The following SLC12A5 variants were observed in gnomAD, a reference collection of about 807,000 sequenced individuals.
SLC12A5 encodes K-Cl cotransporter 2.
Under a neutral mutation model 124.0 loss-of-function variants are expected in SLC12A5, and 18 were observed. The ratio of observed to expected loss-of-function variants is 0.15; its 90% CI spans 0.10 to 0.22. SLC12A5 has a LOEUF of 0.22. Ranked by LOEUF, SLC12A5 falls within the 10% of genes least tolerant of loss-of-function variation. The probability of loss-of-function intolerance (pLI) is 1.00; values close to 1 mark genes in which losing one functional copy is unlikely to be tolerated. For missense variants in SLC12A5, 867 were observed against 1,478.7 expected (o/e 0.59, Z 6.78); for synonymous variants, 589 against 568.0 (o/e 1.04, Z -0.53).
chr20:46,029,087 C>CA, upstream of SLC12A5: 1 of 1,317,734 alleles, frequency 7.6e-7, no homozygotes, highest in South Asian at 2.1e-5. Context: ...GCTCTCCCCC[C>CA]AAAACCCCGC....
chr20:46,041,009 G>C, intron 7 of SLC12A5: 1 of 403,512 alleles, frequency 2.5e-6, no homozygotes, highest in South Asian at 2.6e-5. Flanking sequence ...GAAGTCTACA[G>C]GGTCCAGGGA....
At chr20:46,044,335 C>T (rs1330094873) in intron 11 of SLC12A5, among the ~76,000 whole-genome samples, 1 of 152,038 alleles carries the variant, frequency 6.6e-6, no homozygotes, top group Non-Finnish European at 1.5e-5. Flanking sequence ...TGGGTCTATA[C>T]TGGCCAACAG....
chr20:46,036,725 A>G lies in SLC12A5; in HGVS notation c.427-16A>G. The G allele has an allele frequency of 6.2e-7, 1 of 1,613,546 alleles. No homozygotes were observed. Among genetic ancestry groups the G allele is most frequent in the Non-Finnish European group, 8.5e-7 (1 of 1,179,720 alleles). On this transcript the variant is annotated splice_polypyrimidine_tract_variant and intron_variant, in intron 4 of 25. Coordinates refer to ENST00000243964, the MANE Select transcript of SLC12A5 (RefSeq NM_020708.5). ...CCCTACCCCAGCCACCGCTCTGATGATCTCTTTCCTCACAGACGATGCTCA... is the reference window on the plus strand; with the variant it reads ...CCCTACCCCAGCCACCGCTCTGATGGTCTCTTTCCTCACAGACGATGCTCA...
At chr20:46,047,896 C>A in intron 15 of SLC12A5, 85 bp from the exon 16 acceptor site, 1 of 1,292,060 alleles carries the variant, frequency 7.7e-7, no homozygotes, top group Non-Finnish European at 1.1e-6. Context: ...ATGGCTCTGC[C>A]CTGGGGTAGC....
intron 17 of SLC12A5, among the ~76,000 whole-genome samples, chr20:46,051,201 G>A (rs1029408541): frequency 6.6e-6 from 1 of 152,158 alleles, no homozygotes; most frequent in Admixed American, 6.5e-5. Context: ...TTCCCTCATA[G>A]TACAGTTTAA....
At chr20:46,041,599 G>T (rs745405129) in intron 8 of SLC12A5, 59 bp downstream of exon 8, 5 of 1,583,062 alleles carry the variant, frequency 3.2e-6, no homozygotes, top group Non-Finnish European at 4.3e-6. Context: ...TAGGTTAAGC[G>T]GTCAGGATTA....
Position 46,058,900 on chromosome 20 carries a change from G to A in SLC12A5, c.*1295G>A, listed in dbSNP as rs865900243. ...GGGCCGGGCCTCGCTGCTTAGCAGC[G>A]GCCTCTAGCTCCGTCTCCCGGGGAC... On this transcript the variant is annotated 3_prime_UTR_variant, in exon 26 of 26. Coordinates refer to ENST00000243964, the MANE Select transcript of SLC12A5 (RefSeq NM_020708.5). This position sits in a 1 kb window ranked among gnomAD's most constrained non-coding sequence, Gnocchi z 5.8. 16 of 396,734 alleles carry A rather than the reference G, an allele frequency of 4.0e-5. No homozygotes were observed. The highest frequency in any genetic ancestry group is 2.9e-4 in the South Asian group (2 of 7,012). The allele number at this position is 396,734 out of a possible 1,614,324, so 24.6% of individuals were successfully genotyped here. A position where few individuals can be genotyped will look rare whatever the true frequency, so the allele number is the denominator to read the frequency against.
intron 9 of SLC12A5, 139 bp downstream of exon 9, chr20:46,043,462 T>A (rs1262736200): frequency 1.6e-6 from 2 of 1,278,594 alleles, no homozygotes; most frequent in South Asian, 1.4e-5. Context: ...ATTGGAGAGA[T>A]GAGGGAATTA....
At position 46,045,805 on chromosome 20, in the gene SLC12A5, G is replaced by A; in HGVS notation, c.1570-73G>A. On this transcript the variant is annotated intron_variant, in intron 12 of 25. Coordinates refer to ENST00000243964, the MANE Select transcript of SLC12A5 (RefSeq NM_020708.5). The surrounding 1 kb of genome is among the most constrained non-coding windows in gnomAD (Gnocchi z 4.9). The stretch of plus-strand genomic sequence containing the variant: ...ATAGGATTCCTGCCTCTACTCCACT[G>A]GTTCCCGAGGCTAGGGGAGAGGGCT... 1 of 1,240,768 alleles carries A rather than the reference G, an allele frequency of 8.1e-7. No homozygotes were observed. The highest frequency in any genetic ancestry group is 2.3e-5 in the East Asian group (1 of 42,858). The allele number at this position is 1,240,768 out of a possible 1,614,324, so 76.9% of individuals were successfully genotyped here.
At chr20:46,049,510 T>A in intron 16 of SLC12A5, 112 bp from the exon 17 acceptor site, 2 of 1,346,194 alleles carry the variant, frequency 1.5e-6, no homozygotes, top group Non-Finnish European at 2.0e-6. Flanking sequence ...TATAGGTGGA[T>A]GGGACAGATG....
At chr20:46,034,879 C>T in intron 1 of SLC12A5, 69 bp from the exon 2 acceptor site, 1 of 1,420,032 alleles carries the variant, frequency 7.0e-7, no homozygotes, top group Non-Finnish European at 1.0e-6. Context: ...TGTGGCTACA[C>T]CACTGTATGC....
At chr20:46,033,583 C>T (rs1168387847) in intron 1 of SLC12A5, among the ~76,000 whole-genome samples, 3 of 152,160 alleles carry the variant, frequency 2.0e-5, no homozygotes, top group Non-Finnish European at 1.5e-5. Context: ...TATCCTGATT[C>T]GTATATCCAG....
chr20:46,023,197 C>G (rs978951272), intron 2 of SLC12A5: 1 of 397,938 alleles, frequency 2.5e-6, no homozygotes, highest in Non-Finnish European at 4.4e-6. Flanking sequence ...TGGCCCCAGT[C>G]CCGGGAACCG....
intron 1 of SLC12A5, among the ~76,000 whole-genome samples, chr20:46,029,760 C>A (rs1334905836): frequency 1.3e-5 from 2 of 152,108 alleles, no homozygotes; most frequent in African/African-American, 4.8e-5. Context: ...GGGACCCCGG[C>A]GTCCTGGCGC....
intron 18 of SLC12A5, among the ~76,000 whole-genome samples, 178 bp from the exon 19 acceptor site, chr20:46,052,779 C>T (rs557877667): frequency 1.3e-5 from 2 of 152,202 alleles, no homozygotes; most frequent in African/African-American, 4.8e-5. Flanking sequence ...TAGATCTAAA[C>T]AATAAATATA....
In SLC12A5 at chr20:46,043,732, G is replaced by A; in HGVS notation, c.1336+1G>A. ...GCCATCGCCACCACCTCTGCTGTCT[G>A]TATCCTGCACAGCTGTGCTGGGACC... On this transcript the variant is annotated splice_donor_variant, in intron 10 of 25. Coordinates refer to ENST00000243964, the MANE Select transcript of SLC12A5 (RefSeq NM_020708.5). LOFTEE classifies it high-confidence loss of function. The A allele has an allele frequency of 6.2e-7, 1 of 1,614,184 alleles. No individual in the cohort carries two copies. The highest frequency in any genetic ancestry group is 8.5e-7 in the Non-Finnish European group (1 of 1,180,028).
At position 46,053,814 on chromosome 20, in the gene SLC12A5, TC is replaced by T. The variant is rs1268592208; in HGVS notation, c.2679+107del. The T allele has an allele frequency of 3.1e-6, 4 of 1,282,808 alleles. No individual in the cohort carries two copies. The Admixed American group carries it at 1.0e-4, about 33-fold the overall frequency. The allele number at this position is 1,282,808 out of a possible 1,614,324, so 79.5% of individuals were successfully genotyped here. A position where few individuals can be genotyped will look rare whatever the true frequency, so the allele number is the denominator to read the frequency against. On this transcript the variant is annotated intron_variant, in intron 20 of 25. Transcript: ENST00000243964. The surrounding 1 kb of genome is among the most constrained non-coding windows in gnomAD (Gnocchi z 4.7). ...ACACCCATCAGCTTATGATGCTGGA[TC>T]CTTTCCCCCTCATCCATCTCTTAGC...
Position 46,034,939 on chromosome 20 carries a change from C to T in SLC12A5, c.53-9C>T. 1.9e-6 allele frequency: 3 copies of T among 1,613,798 alleles called. No homozygotes were observed. Among genetic ancestry groups the T allele is most frequent in the Non-Finnish European group, 2.5e-6 (3 of 1,179,740 alleles). On this transcript the variant is annotated splice_polypyrimidine_tract_variant and intron_variant, in intron 1 of 25. Transcript: ENST00000243964. ...TGGTTCCAGATCCCTGACCCCTCTC[C>T]CTTCTCAGGTGATGGCAACCCCAAG... is the stretch of plus-strand genomic sequence containing the variant.
intron 13 of SLC12A5, 78 bp from the exon 14 acceptor site, chr20:46,046,260 T>G: frequency 1.5e-6 from 2 of 1,341,398 alleles, no homozygotes; most frequent in South Asian, 2.4e-5. Flanking sequence ...CCTTTCCCCC[T>G]TTCTCTGCCC....
Sources: gnomAD v4.1 joint callset for allele counts (sites outside exome capture counted in the v4.1 genomes callset) on GRCh38, gnomAD v4.1.1 for gene constraint, Gnocchi (gnomAD v3.1) non-coding constraint, MANE v1.5 for transcripts, NCBI Gene and HGNC (gene_info 2026-07-23, HGNC 2026-07-21) for gene names.